TMCO4: variants seen among roughly 807,000 people sequenced by gnomAD.
TMCO4 encodes transmembrane and coiled-coil domains 4.
In TMCO4, 58 loss-of-function variants were observed where a neutral mutation model predicts 64.7. That is an observed-to-expected ratio of 0.90 (90% CI 0.73 to 1.12). The LOEUF (loss-of-function observed/expected upper bound fraction) is 1.12. Among genes scored for constraint, TMCO4 ranks in the 50% most tolerant of loss-of-function variants. The probability of loss-of-function intolerance (pLI) is 0.00; values close to 1 mark genes in which losing one functional copy is unlikely to be tolerated. For missense variants in TMCO4, 780 were observed against 825.9 expected, an observed-to-expected ratio of 0.94 and a Z score of 0.68; for synonymous variants, 325 against 346.1, an observed-to-expected ratio of 0.94 and a Z score of 0.68.
intron 2 of TMCO4, among the ~76,000 whole-genome samples, chr1:19,794,975 G>T (rs185193223): frequency 1.1e-4 from 17 of 152,276 alleles, no homozygotes; most frequent in African/African-American, 3.6e-4. Context: ...GAATGGTGGT[G>T]GCCAGGGGCT....
At chr1:19,704,902 G>A (rs2095294225) in intron 13 of TMCO4, among the ~76,000 whole-genome samples, 1 of 152,204 alleles carries the variant, frequency 6.6e-6, no homozygotes, top group Non-Finnish European at 1.5e-5. Context: ...CATCTCTGAA[G>A]CTGGGCTGGC....
intron 6 of TMCO4, among the ~76,000 whole-genome samples, chr1:19,756,413 T>C (rs187481484): frequency 9.2e-5 from 14 of 152,148 alleles, no homozygotes; most frequent in African/African-American, 3.1e-4. Context: ...GGACAATAAG[T>C]ATCAACAACT....
rs190844588 is a variant in TMCO4, at chr1:19,775,805, T to C, written c.180-4323A>G. On this transcript the variant is annotated intron_variant, in intron 4 of 15. Coordinates refer to ENST00000294543, the MANE Select transcript of TMCO4 (RefSeq NM_181719.7). ...GAAAAGAAATAAATGTTTTAGAGGG[T>C]TGCTTTTATATCCTGTGGGATCAAG... is the stretch of plus-strand genomic sequence containing the variant. Among the ~76,000 whole-genome samples, 4 of 152,346 alleles carry C rather than the reference T, an allele frequency of 2.6e-5. No homozygotes were observed. In the East Asian group the frequency reaches 7.7e-4, roughly 29 times the overall value.
intron 13 of TMCO4, among the ~76,000 whole-genome samples, chr1:19,717,516 G>C (rs2095362343): frequency 1.3e-5 from 2 of 152,228 alleles, no homozygotes; most frequent in Admixed American, 1.3e-4. Context: ...TGCTGGACGG[G>C]CCAAGCCCTG....
At chr1:19,725,577 C>T (rs1470894766) in intron 13 of TMCO4, among the ~76,000 whole-genome samples, 1 of 152,188 alleles carries the variant, frequency 6.6e-6, no homozygotes, top group African/African-American at 2.4e-5. Flanking sequence ...GCAGGCACCA[C>T]CTCCCTGCCC....
chr1:19,729,614 A>G (rs1361961505), intron 13 of TMCO4, among the ~76,000 whole-genome samples: 2 of 151,862 alleles, frequency 1.3e-5, no homozygotes, highest in African/African-American at 4.8e-5. Context: ...AAAAATACAA[A>G]AATTAGCTGG....
chr1:19,693,317 T>C (rs1417622773), intron 15 of TMCO4, among the ~76,000 whole-genome samples: 1 of 150,564 alleles, frequency 6.6e-6, no homozygotes, highest in African/African-American at 2.4e-5. Context: ...ACCCCATCTC[T>C]ACTAAAAATA....
At chr1:19,772,082 C>T (rs562191288) in intron 4 of TMCO4, among the ~76,000 whole-genome samples, 3 of 152,190 alleles carry the variant, frequency 2.0e-5, no homozygotes, top group East Asian at 3.9e-4. Flanking sequence ...GTGCCAGGGG[C>T]GACGAATAAA....
chr1:19,784,011 G>A (rs1398711571), intron 3 of TMCO4, among the ~76,000 whole-genome samples: 1 of 152,220 alleles, frequency 6.6e-6, no homozygotes, highest in Non-Finnish European at 1.5e-5. Context: ...CTAGCCTGAT[G>A]TCAGCAGGTC....
intron 13 of TMCO4, among the ~76,000 whole-genome samples, chr1:19,704,332 G>A (rs2095290942): frequency 6.6e-6 from 1 of 152,182 alleles, no homozygotes; most frequent in Non-Finnish European, 1.5e-5. Flanking sequence ...TGTTGGCAAG[G>A]CTGTTGCTGA....
At chr1:19,781,677 C>T (rs562293727) in intron 3 of TMCO4, among the ~76,000 whole-genome samples, 2 of 147,400 alleles carry the variant, frequency 1.4e-5, no homozygotes, top group East Asian at 4.0e-4. Context: ...GATGGAGTCT[C>T]GCTCTGTCGC....
intron 4 of TMCO4, among the ~76,000 whole-genome samples, chr1:19,776,619 A>C (rs552606720): frequency 6.6e-6 from 1 of 152,272 alleles, no homozygotes; most frequent in Admixed American, 6.5e-5. Context: ...ATCAACACAT[A>C]CCCTCCTTAC....
intron 13 of TMCO4, among the ~76,000 whole-genome samples, chr1:19,716,154 T>A (rs1209947064): frequency 3.7e-5 from 4 of 109,368 alleles, no homozygotes; most frequent in Admixed American, 2.0e-4. Flanking sequence ...TCTTCTCTAT[T>A]TTATTTTTAT....
intron 4 of TMCO4, 21 bp downstream of exon 4, chr1:19,780,559 C>T: frequency 6.4e-7 from 1 of 1,572,346 alleles, no homozygotes; most frequent in Non-Finnish European, 8.6e-7. Context: ...GACCTTCCCA[C>T]TGCAAGACAG....
chr1:19,795,238 AG>A (rs1185096034), intron 2 of TMCO4, among the ~76,000 whole-genome samples: 1 of 152,110 alleles, frequency 6.6e-6, no homozygotes, highest in African/African-American at 2.4e-5. Flanking sequence ...TGGGAGGCTG[AG>A]GTGGGTGGAT....
chr1:19,699,123 G>A (rs770792092), intron 14 of TMCO4, among the ~76,000 whole-genome samples: 1 of 152,028 alleles, frequency 6.6e-6, no homozygotes, highest in Admixed American at 6.6e-5. Flanking sequence ...ATGAACCTGG[G>A]GGGTGGAGCT....
chr1:19,730,268 A>G (rs1011270205), intron 13 of TMCO4, among the ~76,000 whole-genome samples: 9 of 152,244 alleles, frequency 5.9e-5, no homozygotes, highest in African/African-American at 1.9e-4. Flanking sequence ...CTGAGGAAAC[A>G]TACGTTGATA....
chr1:19,756,419 C>T (rs552816975), intron 6 of TMCO4, among the ~76,000 whole-genome samples: 4 of 151,776 alleles, frequency 2.6e-5, no homozygotes, highest in South Asian at 2.1e-4. Flanking sequence ...TAAGTATCAA[C>T]AACTTAAAAA....
intron 4 of TMCO4, among the ~76,000 whole-genome samples, chr1:19,772,310 T>C (rs995105296): frequency 1.3e-5 from 2 of 152,196 alleles, no homozygotes; most frequent in African/African-American, 2.4e-5. Flanking sequence ...AAGGACGTGC[T>C]TTCTGGAAAA....
Sources: gnomAD v4.1 joint callset for allele counts (sites outside exome capture counted in the v4.1 genomes callset) on GRCh38, gnomAD v4.1.1 for gene constraint, MANE v1.5 for transcripts, NCBI Gene and HGNC (gene_info 2026-07-23, HGNC 2026-07-21) for gene names.